Variants in GPR149 observed in about 807,000 individuals in gnomAD.
GPR149 encodes G protein-coupled receptor 149.
A neutral mutation model predicts 50.2 loss-of-function variants in GPR149; 50 were observed. The ratio of observed to expected loss-of-function variants is 1.00; its 90% confidence interval spans 0.79 to 1.26. The LOEUF (loss-of-function observed/expected upper bound fraction) is 1.26, where lower values mean the gene tolerates loss of function less well. Among genes scored for constraint, GPR149 ranks in the 50% most tolerant of loss-of-function variants. The pLI is 0.00. For missense variants in GPR149, 983 were observed against 895.4 expected (o/e 1.10, Z -1.25); for synonymous variants, 405 against 358.2 (o/e 1.13, Z -1.48).
At chr3:154,423,664 A>T (rs564313790) in intron 2 of GPR149, among the ~76,000 whole-genome samples, 1 of 151,956 alleles carries the variant, frequency 6.6e-6, no homozygotes, top group South Asian at 2.1e-4. Context: ...AATCCCTATA[A>T]AAACAAATTA....
chr3:154,429,162 C>G lies in GPR149; in HGVS notation c.454G>C (p.Gly152Arg), dbSNP rs375798320. The change falls in exon 1 of 4, where the codon GGC becomes CGC. Residue 152 changes from glycine (G) to arginine (R), a missense_variant. Gly to Arg is a moderately radical substitution (Grantham distance 125). Transcript: ENST00000389740. The part of the protein sequence containing the change: ...TASRRSGQVL[G>R]VVLTVWAASL... ...GCTGCCCACACGGTCAGCACCACGC[C>G]GAGCACCTGGCCCGATCTTCTGGAG... The G allele has an allele frequency of 6.1e-5, 98 of 1,613,698 alleles. No individual in the cohort carries two copies. Among genetic ancestry groups the G allele is most frequent in the Non-Finnish European group, 7.6e-5 (90 of 1,179,950 alleles).
chr3:154,362,485 A>G (rs1714434387), intron 3 of GPR149, among the ~76,000 whole-genome samples: 1 of 152,172 alleles, frequency 6.6e-6, no homozygotes, highest in Admixed American at 6.5e-5. Context: ...AACACTTAAA[A>G]ACTATTAAAA....
At chr3:154,406,584 GAACT>G (rs1302149041) in intron 3 of GPR149, among the ~76,000 whole-genome samples, 1 of 152,124 alleles carries the variant, frequency 6.6e-6, no homozygotes, top group African/African-American at 2.4e-5. Flanking sequence ...AGATGTCTAT[GAACT>G]AATATGTAGA....
chr3:154,337,503 T>G lies in GPR149; in HGVS notation c.*196A>C, dbSNP rs1456632691. Among the ~76,000 whole-genome samples the G allele has an allele frequency of 2.6e-5, 4 of 152,354 alleles. No individual in the cohort carries two copies. The highest frequency in any genetic ancestry group is 1.5e-5 in the Non-Finnish European group (1 of 68,020). The stretch of plus-strand genomic sequence containing the variant: ...GTAAAATCTTTTCATTACCACAGTG[T>G]GTGATCTTTAGGTAACACATCAAAT... On this transcript the variant is annotated 3_prime_UTR_variant, in exon 4 of 4. Coordinates refer to ENST00000389740, the MANE Select transcript of GPR149 (RefSeq NM_001038705.3).
chr3:154,340,121 GA>G (rs1036920338), intron 3 of GPR149, among the ~76,000 whole-genome samples: 4 of 151,944 alleles, frequency 2.6e-5, no homozygotes, highest in African/African-American at 9.7e-5. Context: ...TGAGAGACTA[GA>G]AAAAAATACA....
At chr3:154,349,362 A>G (rs1303615084) in intron 3 of GPR149, among the ~76,000 whole-genome samples, 1 of 152,220 alleles carries the variant, frequency 6.6e-6, no homozygotes, top group African/African-American at 2.4e-5. Flanking sequence ...CTCTAGCAGC[A>G]GTGACAAAGA....
intron 2 of GPR149, among the ~76,000 whole-genome samples, chr3:154,424,820 C>G (rs963703728): frequency 1.3e-5 from 2 of 151,492 alleles, no homozygotes; most frequent in Non-Finnish European, 3.0e-5. Flanking sequence ...GTAATTACAT[C>G]CACTTATAAA....
intron 3 of GPR149, among the ~76,000 whole-genome samples, chr3:154,405,684 T>G (rs1194063664): frequency 6.6e-6 from 1 of 151,564 alleles, no homozygotes; most frequent in African/African-American, 2.4e-5. Context: ...GGGTAATGAT[T>G]GACCTTTAAA....
chr3:154,385,571 T>G (rs976840150), intron 3 of GPR149, among the ~76,000 whole-genome samples: 1 of 152,192 alleles, frequency 6.6e-6, no homozygotes, highest in African/African-American at 2.4e-5. Context: ...GGAAACTCTT[T>G]TTGGTTTGTT....
intron 3 of GPR149, among the ~76,000 whole-genome samples, chr3:154,390,321 A>C (rs1470428685): frequency 1.3e-5 from 2 of 152,220 alleles, no homozygotes; most frequent in Non-Finnish European, 2.9e-5. Flanking sequence ...GTGCTCAGTG[A>C]GTTCAGGAGA....
At chr3:154,369,756 G>T (rs1203430192) in intron 3 of GPR149, among the ~76,000 whole-genome samples, 2 of 152,226 alleles carry the variant, frequency 1.3e-5, no homozygotes, top group Non-Finnish European at 2.9e-5. Flanking sequence ...TAGATGTCCT[G>T]CAAGGATTGG....
chr3:154,371,475 T>G (rs1714662365), intron 3 of GPR149, among the ~76,000 whole-genome samples: 1 of 152,134 alleles, frequency 6.6e-6, no homozygotes, highest in Non-Finnish European at 1.5e-5. Flanking sequence ...TGGGCAGGCT[T>G]GGGACTGGAA....
chr3:154,336,018 A>C lies in GPR149; in HGVS notation c.*1681T>G, dbSNP rs1442582896. On this transcript the variant is annotated 3_prime_UTR_variant, in exon 4 of 4. Transcript: ENST00000389740. ...TTTATAATATCTGATTTATCTGTCC[A>C]TTTGTCACTGTGTTAAAATAGCTGT... 6.6e-6 allele frequency: 1 copy of C among 152,090 alleles called. No homozygotes were observed. Among genetic ancestry groups the C allele is most frequent in the African/African-American group, 2.4e-5 (1 of 41,446 alleles). The allele number at this position is 152,090 out of a possible 1,614,324, so 9.4% of individuals were successfully genotyped here.
At chr3:154,356,025 G>C (rs1041757174) in intron 3 of GPR149, among the ~76,000 whole-genome samples, 2 of 152,196 alleles carry the variant, frequency 1.3e-5, no homozygotes, top group African/African-American at 2.4e-5. Flanking sequence ...GAGGCAAATA[G>C]AGTAGGCAGT....
intron 3 of GPR149, among the ~76,000 whole-genome samples, chr3:154,390,777 G>A (rs1715150102): frequency 1.3e-5 from 2 of 151,982 alleles, no homozygotes; most frequent in South Asian, 4.1e-4. Flanking sequence ...TAATTGAACT[G>A]ACAAAATTTG....
chr3:154,365,421 T>C (rs542428575), intron 3 of GPR149, among the ~76,000 whole-genome samples: 9 of 152,192 alleles, frequency 5.9e-5, no homozygotes, highest in Non-Finnish European at 1.0e-4. Flanking sequence ...CTGGCTTCCC[T>C]CTATTCATAC....
chr3:154,366,847 C>A (rs1010670137), intron 3 of GPR149, among the ~76,000 whole-genome samples: 8 of 152,228 alleles, frequency 5.3e-5, no homozygotes, highest in African/African-American at 1.9e-4. Flanking sequence ...ACCTTGGGCA[C>A]ACTTTCTCAG....
chr3:154,408,614 C>T (rs2108422228), intron 3 of GPR149, among the ~76,000 whole-genome samples: 1 of 152,288 alleles, frequency 6.6e-6, no homozygotes, highest in South Asian at 2.1e-4. Flanking sequence ...ATAATCCTCT[C>T]CTTGGGAATA....
chr3:154,363,204 C>T (rs934289527), intron 3 of GPR149, among the ~76,000 whole-genome samples: 1 of 152,124 alleles, frequency 6.6e-6, no homozygotes, highest in African/African-American at 2.4e-5. Flanking sequence ...CCAAAGTGTT[C>T]TAAGCATAAA....
Sources: allele counts gnomAD v4.1 joint callset (sites outside exome capture counted in the v4.1 genomes callset), GRCh38; gene constraint gnomAD v4.1.1; transcripts MANE v1.5; gene names NCBI Gene and HGNC (gene_info 2026-07-23, HGNC 2026-07-21).